The following C17orf99 variants were observed in gnomAD, a reference collection of about 807,000 sequenced individuals.
C17orf99 encodes the protein chromosome 17 open reading frame 99.
In C17orf99, 18 loss-of-function variants were observed where a neutral mutation model predicts 22.6. That is an observed-to-expected ratio of 0.80 (90% CI 0.55 to 1.18). C17orf99 has a LOEUF of 1.18. Ranked by LOEUF, C17orf99 falls within the 50% of genes most tolerant of loss-of-function variation. The probability of loss-of-function intolerance (pLI) is 0.00; values close to 1 mark genes in which losing one functional copy is unlikely to be tolerated. For synonymous variants in C17orf99, 147 were observed against 136.6 expected (o/e 1.08, Z -0.53); for missense variants, 328 against 342.7 (o/e 0.96, Z 0.34).
At chr17:78,146,073 C>G (rs1210860369), upstream of C17orf99, among the ~76,000 whole-genome samples, 2 of 152,164 alleles carry the variant, frequency 1.3e-5, no homozygotes, top group Non-Finnish European at 2.9e-5. The surrounding 1 kb of genome is among the most constrained non-coding windows in gnomAD (Gnocchi z 5.2). Flanking sequence ...CAGGTGTGAG[C>G]CACTGTGCCC....
intron 2 of C17orf99, among the ~76,000 whole-genome samples, chr17:78,159,345 TAAATA>T (rs993451855): frequency 3.3e-5 from 5 of 151,596 alleles, no homozygotes; most frequent in African/African-American, 4.9e-5. Context: ...TTTAAATAAA[TAAATA>T]AAAGTGGGCC....
chr17:78,157,416 C>T (rs2075535346), intron 2 of C17orf99: 1 of 1,291,238 alleles, frequency 7.7e-7, no homozygotes, highest in East Asian at 3.1e-5. Context: ...GGAATCGAAG[C>T]CTCTTAAAAT....
At chr17:78,157,416 C>A in intron 2 of C17orf99, 2 of 1,291,238 alleles carry the variant, frequency 1.5e-6, no homozygotes, top group Non-Finnish European at 2.1e-6. Flanking sequence ...GGAATCGAAG[C>A]CTCTTAAAAT....
At chr17:78,154,295 T>C (rs989795372) in intron 2 of C17orf99, among the ~76,000 whole-genome samples, 2 of 150,910 alleles carry the variant, frequency 1.3e-5, no homozygotes, top group African/African-American at 4.9e-5. Flanking sequence ...ATGCCTGTAA[T>C]CCCAGCACTT....
At chr17:78,155,158 T>C (rs1167343850) in intron 2 of C17orf99, among the ~76,000 whole-genome samples, 2 of 150,464 alleles carry the variant, frequency 1.3e-5, no homozygotes, top group Admixed American at 1.3e-4. Context: ...AGATGGGGTC[T>C]TGCTGTGTTG....
chr17:78,163,581 A>C (rs543521038), intron 3 of C17orf99, among the ~76,000 whole-genome samples: 7 of 152,106 alleles, frequency 4.6e-5, no homozygotes, highest in Non-Finnish European at 8.8e-5. Flanking sequence ...CAAGAATAAA[A>C]CCAGGCCGGG....
At chr17:78,164,020 TGAG>T (rs1384379565) in intron 3 of C17orf99, 72 bp from the exon 4 acceptor site, 18 of 1,271,014 alleles carry the variant, frequency 1.4e-5, no homozygotes, top group Non-Finnish European at 2.0e-5. Context: ...CATTTTGTAA[TGAG>T]GAGAACTTAC....
chr17:78,159,395 T>G (rs1397887399), intron 2 of C17orf99, among the ~76,000 whole-genome samples: 1 of 151,940 alleles, frequency 6.6e-6, no homozygotes, highest in Non-Finnish European at 1.5e-5. Flanking sequence ...TCCCAGCACT[T>G]TGGGAGGCTG....
At chr17:78,161,337 C>T in intron 3 of C17orf99, 83 bp downstream of exon 3, 1 of 1,255,462 alleles carries the variant, frequency 8.0e-7, no homozygotes, top group Admixed American at 2.1e-5. Flanking sequence ...GATTGTGAAC[C>T]TTGCTGGGGT....
In C17orf99 at chr17:78,161,068, C is replaced by T. The variant is rs1163054439; in HGVS notation, c.184C>T (p.Leu62Phe). 12 of 1,551,684 alleles carry T rather than the reference C, an allele frequency of 7.7e-6. No individual in the cohort carries two copies. Among genetic ancestry groups the T allele is most frequent in the Non-Finnish European group, 8.7e-6 (10 of 1,147,014 alleles). ...PQPPPPITYS[L>F]CGTKNIKVAK... Reference sequence around the variant, plus strand: ...GCCACCACCGCCCATCACCTATTCCCTCTGTGGAACCAAGAACATCAAGGT... The same window carrying T: ...GCCACCACCGCCCATCACCTATTCCTTCTGTGGAACCAAGAACATCAAGGT... Residue 62 changes from leucine to phenylalanine, a missense_variant, in exon 3 of 5, where the codon CTC becomes TTC. By Grantham distance (22) the Leu-to-Phe change is conservative. Coordinates refer to ENST00000340363, the MANE Select transcript of C17orf99 (RefSeq NM_001163075.2).
At position 78,146,785 on chromosome 17, in the gene C17orf99, C is replaced by A; in HGVS notation, c.38-94C>A. 8.0e-7 allele frequency: 1 copy of A among 1,244,884 alleles called. No individual in the cohort carries two copies. Among genetic ancestry groups the A allele is most frequent in the South Asian group, 1.3e-5 (1 of 77,226 alleles). 77.1% of individuals were successfully genotyped at this position (1,244,884 alleles called of 1,614,324 possible). On this transcript the variant is annotated intron_variant, in intron 1 of 4. Coordinates refer to ENST00000340363, the MANE Select transcript of C17orf99 (RefSeq NM_001163075.2). This position sits in a 1 kb window ranked among gnomAD's most constrained non-coding sequence, Gnocchi z 5.2. ...CCTCACTACCAAGAATCAGCCTGCT[C>A]CTCCCTCCTGGCTTCAGCAGGTGGG...
chr17:78,147,502 A>C (rs544901182), intron 2 of C17orf99, among the ~76,000 whole-genome samples: 215 of 152,208 alleles, frequency 1.4e-3, no homozygotes, highest in African/African-American at 5.0e-3. Context: ...AAGGTCCCTG[A>C]CAGCCCCTAG....
intron 2 of C17orf99, among the ~76,000 whole-genome samples, chr17:78,151,446 A>AAC (rs71160275): frequency 1.0e-4 from 15 of 149,578 alleles, no homozygotes; most frequent in African/African-American, 3.7e-4. Flanking sequence ...AAAAAAAAAA[A>AAC]GCAAAAGACA....
chr17:78,145,651 G>A (rs920580651), upstream of C17orf99, among the ~76,000 whole-genome samples: 4 of 152,162 alleles, frequency 2.6e-5, no homozygotes, highest in Non-Finnish European at 5.9e-5. Flanking sequence ...CAGCTGCTTG[G>A]AAAGGCCCCA....
At chr17:78,145,968 A>G (rs890905604), upstream of C17orf99, among the ~76,000 whole-genome samples, 2 of 151,858 alleles carry the variant, frequency 1.3e-5, no homozygotes, top group African/African-American at 2.4e-5. Flanking sequence ...GCTGATTTTT[A>G]GTAGAGATGG....
At chr17:78,159,942 C>G (rs141246180) in intron 2 of C17orf99, 1 of 413,640 alleles carries the variant, frequency 2.4e-6, no homozygotes, top group Non-Finnish European at 4.8e-6. Flanking sequence ...TATGGATCAA[C>G]CACATTCTAT....
intron 3 of C17orf99, among the ~76,000 whole-genome samples, chr17:78,163,099 A>T (rs2075590681): frequency 6.6e-6 from 1 of 152,270 alleles, no homozygotes; most frequent in African/African-American, 2.4e-5. Flanking sequence ...GCAATTTTTT[A>T]AAAAATTAAT....
chr17:78,152,129 A>G (rs936741694), intron 2 of C17orf99, among the ~76,000 whole-genome samples: 1 of 151,972 alleles, frequency 6.6e-6, no homozygotes, highest in Non-Finnish European at 1.5e-5. Context: ...GTGCCATCCC[A>G]TTATTTAAAT....
chr17:78,150,181 G>C (rs1359714038), intron 2 of C17orf99, among the ~76,000 whole-genome samples: 1 of 151,794 alleles, frequency 6.6e-6, no homozygotes, highest in Non-Finnish European at 1.5e-5. Flanking sequence ...GCTAATTTTT[G>C]TATTTTTTGT....
Sources: allele counts gnomAD v4.1 joint callset (sites outside exome capture counted in the v4.1 genomes callset), GRCh38; gene constraint gnomAD v4.1.1; non-coding constraint Gnocchi (gnomAD v3.1); transcripts MANE v1.5; gene names NCBI Gene and HGNC (gene_info 2026-07-23, HGNC 2026-07-21).